Variants in GPHN observed in about 807,000 individuals in gnomAD.
GPHN encodes gephyrin.
Under a neutral mutation model 95.5 loss-of-function variants are expected in GPHN, and 17 were observed. The ratio of observed to expected loss-of-function variants is 0.18; its 90% CI spans 0.12 to 0.27. GPHN has a LOEUF of 0.27. GPHN is among the 10% of genes least tolerant of loss of function. The pLI is 1.00. For missense variants in GPHN, 660 were observed against 978.1 expected (o/e 0.67, Z 4.34); for synonymous variants, 320 against 322.5 (o/e 0.99, Z 0.08).
chr14:67,265,886 A>C, the GPHN span, among the ~76,000 whole-genome samples: 4 of 152,034 alleles, frequency 2.6e-5, no homozygotes, highest in African/African-American at 9.6e-5. Context: ...AAAAGAAAAC[A>C]AAGTAAACCC....
At chr14:66,633,684 TC>T (rs2063947465) in intron 1 of GPHN, among the ~76,000 whole-genome samples, 1 of 152,192 alleles carries the variant, frequency 6.6e-6, no homozygotes, top group South Asian at 2.1e-4. Flanking sequence ...ACGTATGTTT[TC>T]ATTTCTTTTG....
chr14:67,169,443 T>C lies in GPHN; in HGVS notation c.2079+407T>C, dbSNP rs182920254. On this transcript the variant is annotated intron_variant, in intron 21 of 22. Transcript: ENST00000478722. ...CTCACTTTTTCTGTGACTTCAACGA[T>C]AAATTTTAAACAATTCAGAAGAAGA... Among the ~76,000 whole-genome samples, 115 of 152,292 alleles carry C rather than the reference T, an allele frequency of 7.6e-4. 1 individual carries two copies. The highest frequency in any genetic ancestry group is 1.5e-3 in the Non-Finnish European group (99 of 68,010).
chr14:67,177,352 G>A (rs1013678034), intron 21 of GPHN, among the ~76,000 whole-genome samples: 3 of 152,126 alleles, frequency 2.0e-5, no homozygotes, highest in African/African-American at 7.2e-5. Flanking sequence ...AGTCATTCAG[G>A]AGCAGGTTGT....
chr14:67,676,089 C>T, the GPHN span, among the ~76,000 whole-genome samples: 2 of 152,102 alleles, frequency 1.3e-5, no homozygotes. Context: ...AGAGAAGACC[C>T]TATCTCAAAA....
chr14:67,235,742 AT>A, the GPHN span, among the ~76,000 whole-genome samples: 1 of 152,136 alleles, frequency 6.6e-6, no homozygotes, highest in East Asian at 1.9e-4. Context: ...CATAGACCCT[AT>A]TTTATTTCTT....
intron 9 of GPHN, among the ~76,000 whole-genome samples, chr14:66,971,182 G>C (rs1014037501): frequency 2.0e-5 from 3 of 152,128 alleles, no homozygotes; most frequent in Non-Finnish European, 2.9e-5. Flanking sequence ...TACAGAATTA[G>C]CCAGGCGCGT....
In GPHN at chr14:66,793,300, C is replaced by T. The variant is rs77562064; in HGVS notation, c.201+16779C>T. Among the ~76,000 whole-genome samples the T allele has an allele frequency of 3.1e-3, 471 of 152,258 alleles. 11 individuals carry two copies. Among genetic ancestry groups the T allele is most frequent in the African/African-American group, 0.011 (446 of 41,550 alleles). On this transcript the variant is annotated intron_variant, in intron 3 of 22. Transcript: ENST00000478722. Reference sequence around the variant, plus strand: ...ATACATGTATAATTGGTTGAACCTACAACATATAGACATGTAATATATTTG... The same window carrying T: ...ATACATGTATAATTGGTTGAACCTATAACATATAGACATGTAATATATTTG...
At chr14:66,632,259 T>C (rs992861978) in intron 1 of GPHN, among the ~76,000 whole-genome samples, 3 of 152,192 alleles carry the variant, frequency 2.0e-5, no homozygotes, top group African/African-American at 7.2e-5. Flanking sequence ...CCTGTAGGTA[T>C]ATGGGATCAA....
At chr14:67,391,269 A>ATTG in the GPHN span, among the ~76,000 whole-genome samples, 1 of 139,568 alleles carries the variant, frequency 7.2e-6, no homozygotes, top group African/African-American at 2.9e-5. Flanking sequence ...TAAGCAGCTG[A>ATTG]TATGTGTGTG....
intron 10 of GPHN, among the ~76,000 whole-genome samples, chr14:67,055,023 G>T (rs1422353565): frequency 1.3e-5 from 2 of 152,116 alleles, no homozygotes; most frequent in Non-Finnish European, 2.9e-5. Context: ...TACCATTCAG[G>T]ACATAGATAC....
the GPHN span, chr14:67,473,472 C>A: frequency 6.2e-7 from 1 of 1,614,210 alleles, no homozygotes; most frequent in East Asian, 2.2e-5. This position sits in a 1 kb window ranked among gnomAD's most constrained non-coding sequence, Gnocchi z 6.5. Context: ...GCTGGGCTCC[C>A]CGGGCTCAGC....
chr14:67,035,966 A>C (rs969639209), intron 10 of GPHN, among the ~76,000 whole-genome samples: 1 of 147,404 alleles, frequency 6.8e-6, no homozygotes, highest in Non-Finnish European at 1.5e-5. Context: ...GATAACTGAT[A>C]AAAAAAATTG....
intron 20 of GPHN, among the ~76,000 whole-genome samples, chr14:67,166,242 T>G (rs554159537): frequency 6.6e-5 from 10 of 152,322 alleles, no homozygotes; most frequent in Admixed American, 5.9e-4. Context: ...TTAAGTAAAA[T>G]AGTCCTCAGA....
intron 1 of GPHN, among the ~76,000 whole-genome samples, chr14:66,523,800 G>A (rs1203745187): frequency 2.0e-5 from 3 of 151,948 alleles, no homozygotes; most frequent in Admixed American, 6.6e-5. Flanking sequence ...TAATAAACAG[G>A]GCAACAGAAG....
intron 2 of GPHN, among the ~76,000 whole-genome samples, chr14:66,721,259 G>A (rs993692646): frequency 2.6e-5 from 4 of 152,146 alleles, no homozygotes; most frequent in Admixed American, 1.3e-4. Flanking sequence ...AATAAATTGA[G>A]AATGACAAAA....
At chr14:67,189,169 G>C in the GPHN span, among the ~76,000 whole-genome samples, 1 of 152,230 alleles carries the variant, frequency 6.6e-6, no homozygotes, top group East Asian at 1.9e-4. Flanking sequence ...TTTTTCCCGT[G>C]GTTATACTAT....
the GPHN span, among the ~76,000 whole-genome samples, chr14:67,441,224 G>C: frequency 9.2e-5 from 14 of 152,328 alleles, no homozygotes; most frequent in Non-Finnish European, 1.9e-4. Context: ...CTCTGGCTTA[G>C]AGGATGCTCT....
At chr14:66,766,995 TC>T (rs1396743825) in intron 2 of GPHN, among the ~76,000 whole-genome samples, 2 of 152,092 alleles carry the variant, frequency 1.3e-5, no homozygotes, top group East Asian at 3.8e-4. Context: ...CTTCTCAACT[TC>T]CTTGGTCCTA....
intron 9 of GPHN, among the ~76,000 whole-genome samples, chr14:66,975,118 G>A (rs1187035736): frequency 6.6e-6 from 1 of 152,084 alleles, no homozygotes; most frequent in Non-Finnish European, 1.5e-5. Context: ...TTTATATGTT[G>A]TAAATTACCT....
Sources: allele counts gnomAD v4.1 joint callset (sites outside exome capture counted in the v4.1 genomes callset), GRCh38; gene constraint gnomAD v4.1.1; non-coding constraint Gnocchi (gnomAD v3.1); transcripts MANE v1.5; gene names NCBI Gene and HGNC (gene_info 2026-07-23, HGNC 2026-07-21).